Variants in WWOX observed in about 807,000 individuals in gnomAD.
WWOX encodes the protein WW domain containing oxidoreductase, also known as WW domain-containing oxidoreductase.
Under a neutral mutation model 46.2 loss-of-function variants are expected in WWOX, and 69 were observed. The observed-to-expected ratio is 1.49, with a 90% CI of 1.23 to 1.82. The LOEUF (loss-of-function observed/expected upper bound fraction) is 1.82. WWOX is among the 40% of genes most tolerant of loss of function. The probability of loss-of-function intolerance (pLI) is 0.00; values close to 1 mark genes in which losing one functional copy is unlikely to be tolerated. For synonymous variants in WWOX, 359 were observed against 202.6 expected, an observed-to-expected ratio of 1.77 and a Z score of -6.56; for missense variants, 919 against 542.6, an observed-to-expected ratio of 1.69 and a Z score of -6.89.
At chr16:78,361,528 C>CT (rs2081409839) in intron 5 of WWOX, among the ~76,000 whole-genome samples, 1 of 152,090 alleles carries the variant, frequency 6.6e-6, no homozygotes, top group South Asian at 2.1e-4. Context: ...CTAGTGGTGA[C>CT]TATGTATTTC....
At chr16:78,702,007 T>TTATACATATATATATATATATATA (rs2048227749) in intron 8 of WWOX, among the ~76,000 whole-genome samples, 1 of 57,630 alleles carries the variant, frequency 1.7e-5, no homozygotes, top group African/African-American at 6.6e-5. Flanking sequence ...CTACATAAAA[T>TTATACATATATATATATATATATA]TATATATATA....
intron 5 of WWOX, among the ~76,000 whole-genome samples, chr16:78,231,743 A>G (rs191394958): frequency 6.6e-6 from 1 of 152,310 alleles, no homozygotes; most frequent in African/African-American, 2.4e-5. Flanking sequence ...TACGAACTTA[A>G]GGAGTAGCTG....
chr16:79,170,293 A>C (rs1163450028), intron 8 of WWOX, among the ~76,000 whole-genome samples: 2 of 152,222 alleles, frequency 1.3e-5, no homozygotes, highest in East Asian at 3.8e-4. Context: ...ATAGTTGAGG[A>C]AATAGAGGAT....
intron 8 of WWOX, among the ~76,000 whole-genome samples, chr16:78,650,207 T>C (rs2046935553): frequency 6.6e-6 from 1 of 152,258 alleles, no homozygotes; most frequent in African/African-American, 2.4e-5. Flanking sequence ...TCATTTTTCT[T>C]TGTAACACAT....
intron 8 of WWOX, among the ~76,000 whole-genome samples, chr16:78,549,338 A>G (rs967210353): frequency 6.6e-6 from 1 of 152,218 alleles, no homozygotes; most frequent in Non-Finnish European, 1.5e-5. Context: ...AATCTGCTGT[A>G]AGCTCTGTTA....
chr16:78,926,605 G>C (rs73583235), intron 8 of WWOX, among the ~76,000 whole-genome samples: 3,156 of 152,164 alleles, frequency 0.021, 120 homozygotes, highest in African/African-American at 0.072. Flanking sequence ...ATGCGGGAGT[G>C]GTTTGTCAGT....
At chr16:78,825,460 G>C in intron 8 of WWOX, 1 of 411,460 alleles carries the variant, frequency 2.4e-6, no homozygotes, top group Admixed American at 2.5e-5. Context: ...TGTTCCTGGT[G>C]AGAACAGCCA....
intron 8 of WWOX, among the ~76,000 whole-genome samples, chr16:78,864,162 C>T (rs928209473): frequency 5.3e-5 from 8 of 152,034 alleles, no homozygotes; most frequent in Non-Finnish European, 8.8e-5. Flanking sequence ...AGTGGAATTA[C>T]GGGGTCATAC....
chr16:78,771,814 A>G (rs1176163692), intron 8 of WWOX, among the ~76,000 whole-genome samples: 1 of 148,244 alleles, frequency 6.7e-6, no homozygotes, highest in Non-Finnish European at 1.5e-5. Flanking sequence ...TAAATAAATA[A>G]GAGTTGGATC....
At chr16:78,149,329 T>C (rs184897846) in intron 4 of WWOX, among the ~76,000 whole-genome samples, 196 of 152,316 alleles carry the variant, frequency 1.3e-3, no homozygotes, top group African/African-American at 4.6e-3. Context: ...TTGTAAACTA[T>C]TGATGTTGGA....
chr16:79,211,034 A>AGTGT (rs58334968), intron 8 of WWOX, among the ~76,000 whole-genome samples: 2,251 of 149,696 alleles, frequency 0.015, 25 homozygotes, highest in African/African-American at 0.035. Flanking sequence ...TATGGTGAGG[A>AGTGT]GTGTGTGTGT....
intron 8 of WWOX, among the ~76,000 whole-genome samples, chr16:78,894,835 G>C (rs1020251084): frequency 2.0e-5 from 3 of 152,104 alleles, no homozygotes; most frequent in Non-Finnish European, 4.4e-5. Context: ...TCCACAATGC[G>C]GCTATTATGA....
chr16:79,044,210 A>G (rs2150517090), intron 8 of WWOX, among the ~76,000 whole-genome samples: 2 of 152,220 alleles, frequency 1.3e-5, no homozygotes, highest in South Asian at 4.1e-4. Flanking sequence ...GCATTCAACA[A>G]ACGCTCTTCA....
chr16:79,041,327 T>C (rs991784735), intron 8 of WWOX, among the ~76,000 whole-genome samples: 2 of 152,146 alleles, frequency 1.3e-5, no homozygotes, highest in African/African-American at 4.8e-5. Flanking sequence ...TGTGTCACCT[T>C]CTCTCTGAGC....
intron 8 of WWOX, chr16:78,873,239 G>A (rs1167256276): frequency 1.3e-5 from 2 of 152,170 alleles, no homozygotes; most frequent in Non-Finnish European, 2.9e-5. Context: ...GATAAAAAAA[G>A]TTTAAAAATT....
chr16:78,812,337 A>T (rs2051211107), intron 8 of WWOX, among the ~76,000 whole-genome samples: 1 of 152,174 alleles, frequency 6.6e-6, no homozygotes, highest in Non-Finnish European at 1.5e-5. Context: ...TGAGACCCTC[A>T]GGGTGACACC....
At chr16:78,996,141 C>CT (rs974712792) in intron 8 of WWOX, 39 of 923,500 alleles carry the variant, frequency 4.2e-5, no homozygotes, top group South Asian at 1.0e-4. Flanking sequence ...GTAGAATGTT[C>CT]TTTTTTTTAA....
chr16:79,045,131 T>C (rs908653320), intron 8 of WWOX, among the ~76,000 whole-genome samples: 7 of 152,230 alleles, frequency 4.6e-5, no homozygotes, highest in Admixed American at 1.3e-4. Context: ...ATTTATTCTT[T>C]CGTAAATTCT....
At chr16:78,574,802 G>C (rs1597290453) in intron 8 of WWOX, among the ~76,000 whole-genome samples, 1 of 150,042 alleles carries the variant, frequency 6.7e-6, no homozygotes, top group Non-Finnish European at 1.5e-5. Context: ...GGGGCTAGGG[G>C]GTCAGTGAAG....
Sources: allele counts gnomAD v4.1 joint callset (sites outside exome capture counted in the v4.1 genomes callset), GRCh38; gene constraint gnomAD v4.1.1; transcripts MANE v1.5; gene names NCBI Gene and HGNC (gene_info 2026-07-23, HGNC 2026-07-21).